EML4: variants seen among roughly 807,000 people sequenced by gnomAD.
The protein encoded by EML4 is EMAP like 4.
A neutral mutation model predicts 129.0 loss-of-function variants in EML4; 72 were observed. The ratio of observed to expected loss-of-function variants is 0.56; its 90% CI spans 0.46 to 0.68. The LOEUF (loss-of-function observed/expected upper bound fraction) is 0.68, where lower values mean the gene tolerates loss of function less well. Ranked by LOEUF, EML4 falls within the 30% of genes least tolerant of loss-of-function variation. The probability of loss-of-function intolerance (pLI) is 0.00; values close to 1 mark genes in which losing one functional copy is unlikely to be tolerated. For synonymous variants in EML4, 532 were observed against 405.0 expected (o/e 1.31, Z -3.77); for missense variants, 1,363 against 1,190.6 (o/e 1.14, Z -2.13).
At chr2:42,286,942 G>T (rs1454762631) in intron 10 of EML4, among the ~76,000 whole-genome samples, 1 of 152,050 alleles carries the variant, frequency 6.6e-6, no homozygotes, top group Non-Finnish European at 1.5e-5. Flanking sequence ...TATTCTAAGG[G>T]TAAAATAAGA....
chr2:42,218,690 C>G (rs1323547784), intron 1 of EML4, among the ~76,000 whole-genome samples: 1 of 152,196 alleles, frequency 6.6e-6, no homozygotes, highest in African/African-American at 2.4e-5. Context: ...CCTATCCATA[C>G]AGCACAATAC....
chr2:42,301,233 CATATT>C lies in EML4; in HGVS notation c.1490-6_1490-2del, dbSNP rs780745737. 2.5e-6 allele frequency: 4 copies of C among 1,601,516 alleles called. No homozygotes were observed. Among genetic ancestry groups the C allele is most frequent in the Non-Finnish European group, 8.5e-7 (1 of 1,175,360 alleles). On this transcript the variant is annotated splice_region_variant and splice_polypyrimidine_tract_variant and intron_variant, in intron 13 of 22. Coordinates refer to ENST00000318522, the MANE Select transcript of EML4 (RefSeq NM_019063.5). ...ATCACTAGTGTTTTTATTTTTCCCT[CATATT>C]AGGTGTATATCAAATCAGCAAACAA...
At chr2:42,272,141 T>C (rs1459981992) in intron 6 of EML4, among the ~76,000 whole-genome samples, 4 of 151,672 alleles carry the variant, frequency 2.6e-5, no homozygotes, top group Non-Finnish European at 5.9e-5. Context: ...TATTTCTTAC[T>C]CTAGTAATTG....
At chr2:42,245,094 C>CTTTTTTTTTTTTTT (rs56808218) in intron 1 of EML4, among the ~76,000 whole-genome samples, 775 of 66,462 alleles carry the variant, frequency 0.012, 167 homozygotes, top group Admixed American at 0.091. Context: ...AATTTTCTTT[C>CTTTTTTTTTTTTTT]TTTTTTTTTT....
At chr2:42,285,350 G>C (rs538323011) in intron 9 of EML4, among the ~76,000 whole-genome samples, 2 of 152,240 alleles carry the variant, frequency 1.3e-5, no homozygotes, top group East Asian at 1.9e-4. Flanking sequence ...ACTGAGTAAC[G>C]TATGTATGAC....
chr2:42,293,601 T>C (rs533091276), intron 11 of EML4, among the ~76,000 whole-genome samples: 6 of 152,244 alleles, frequency 3.9e-5, no homozygotes, highest in African/African-American at 1.4e-4. Context: ...CATAAGACTA[T>C]CATCTTTATC....
intron 1 of EML4, among the ~76,000 whole-genome samples, chr2:42,195,714 T>A: frequency 6.6e-6 from 1 of 152,210 alleles, no homozygotes. Flanking sequence ...GGTTAATCAT[T>A]ATCTTGTTGA....
At chr2:42,286,212 A>C in intron 9 of EML4, 57 bp from the exon 10 acceptor site, 1 of 928,034 alleles carries the variant, frequency 1.1e-6, no homozygotes, top group Non-Finnish European at 1.8e-6. Context: ...TCTGTGTGCT[A>C]TTGGTGTTTA....
chr2:42,215,431 T>C (rs931447588), intron 1 of EML4, among the ~76,000 whole-genome samples: 2 of 152,180 alleles, frequency 1.3e-5, no homozygotes, highest in Non-Finnish European at 2.9e-5. Flanking sequence ...TACTTTAATA[T>C]TTTATGTACC....
intron 2 of EML4, among the ~76,000 whole-genome samples, chr2:42,254,634 A>G (rs1024701474): frequency 6.8e-6 from 1 of 147,268 alleles, no homozygotes; most frequent in Admixed American, 6.7e-5. Flanking sequence ...TTTTTTTTTA[A>G]CCTGAAAATA....
At chr2:42,314,960 T>G (rs1379921540) in intron 17 of EML4, among the ~76,000 whole-genome samples, 1 of 152,264 alleles carries the variant, frequency 6.6e-6, no homozygotes, top group Non-Finnish European at 1.5e-5. Flanking sequence ...ACTTTTCCTA[T>G]AAATGTGAAT....
At chr2:42,220,810 G>C (rs960617936) in intron 1 of EML4, among the ~76,000 whole-genome samples, 2 of 152,154 alleles carry the variant, frequency 1.3e-5, no homozygotes, top group Non-Finnish European at 2.9e-5. Flanking sequence ...ACATATGAAT[G>C]ATAAAGTTAA....
chr2:42,321,105 C>T (rs572908426), intron 19 of EML4, among the ~76,000 whole-genome samples: 10 of 152,006 alleles, frequency 6.6e-5, no homozygotes, highest in South Asian at 4.2e-4. Context: ...AGTACCAGGC[C>T]GGGTGCTGTG....
rs10530482 is a variant in EML4, at chr2:42,325,602, T to TTATATATA, written c.2242+78_2242+85dup. On this transcript the variant is annotated intron_variant, in intron 20 of 22. Coordinates refer to ENST00000318522, the MANE Select transcript of EML4 (RefSeq NM_019063.5). ...ATATATATATATGCTATGATTATAT[T>TTATATATA]TATATATATATATATATATATATAT... 623 of 129,146 alleles carry TTATATATA rather than the reference T, an allele frequency of 4.8e-3. 27 individuals carry two copies. The highest frequency in any genetic ancestry group is 7.5e-3 in the Non-Finnish European group (463 of 61,874). The allele number at this position is 129,146 out of a possible 1,614,324, so 8.0% of individuals were successfully genotyped here.
chr2:42,263,775 G>A (rs1665882358), intron 5 of EML4, among the ~76,000 whole-genome samples: 1 of 151,768 alleles, frequency 6.6e-6, no homozygotes, highest in Non-Finnish European at 1.5e-5. Context: ...CTGTTGCCAG[G>A]CTGGAGTGCA....
intron 3 of EML4, among the ~76,000 whole-genome samples, chr2:42,259,880 C>A (rs1665612645): frequency 6.6e-6 from 1 of 151,658 alleles, no homozygotes; most frequent in Non-Finnish European, 1.5e-5. Context: ...CAGGCGCCCA[C>A]CACCACACCC....
intron 1 of EML4, among the ~76,000 whole-genome samples, chr2:42,244,769 A>G (rs1675276402): frequency 1.3e-5 from 2 of 152,200 alleles, no homozygotes; most frequent in South Asian, 4.1e-4. Context: ...ACATAAAACC[A>G]AACAAGTGAT....
At chr2:42,204,412 TAATA>T (rs1464320541) in intron 1 of EML4, among the ~76,000 whole-genome samples, 2 of 152,194 alleles carry the variant, frequency 1.3e-5, no homozygotes, top group African/African-American at 4.8e-5. Context: ...AAGGGCCAGA[TAATA>T]AATATTTTAG....
chr2:42,245,891 T>G (rs1041266616), intron 2 of EML4, among the ~76,000 whole-genome samples: 8 of 152,186 alleles, frequency 5.3e-5, no homozygotes, highest in African/African-American at 1.7e-4. Context: ...ATCCACTGAT[T>G]ATACTCACAG....
Sources: gnomAD v4.1 joint callset for allele counts (sites outside exome capture counted in the v4.1 genomes callset) on GRCh38, gnomAD v4.1.1 for gene constraint, MANE v1.5 for transcripts, NCBI Gene and HGNC (gene_info 2026-07-23, HGNC 2026-07-21) for gene names.